Variants in SORCS1 observed in about 807,000 individuals in gnomAD.
SORCS1 encodes sortilin related VPS10 domain containing receptor 1.
A neutral mutation model predicts 146.1 loss-of-function variants in SORCS1; 60 were observed. The observed-to-expected ratio is 0.41, with a 90% CI of 0.33 to 0.51. The LOEUF (loss-of-function observed/expected upper bound fraction) is 0.51. SORCS1 is among the 20% of genes least tolerant of loss of function. The pLI is 0.21. For missense variants in SORCS1, 1,352 were observed against 1,487.6 expected, an observed-to-expected ratio of 0.91 and a Z score of 1.50; for synonymous variants, 637 against 584.0, an observed-to-expected ratio of 1.09 and a Z score of -1.31.
chr10:106,761,701 G>A, intron 4 of SORCS1, 40 bp from the exon 5 acceptor site: 3 of 1,538,908 alleles, frequency 1.9e-6, no homozygotes, highest in Non-Finnish European at 2.7e-6. Context: ...TGGTTCTATA[G>A]TACATCAAAT....
chr10:106,998,337 C>T (rs951988207), intron 1 of SORCS1, among the ~76,000 whole-genome samples: 1 of 152,230 alleles, frequency 6.6e-6, no homozygotes, highest in Non-Finnish European at 1.5e-5. Context: ...CTACTAGGGT[C>T]ATTCACGATG....
chr10:106,817,699 C>G (rs994080114), intron 3 of SORCS1, among the ~76,000 whole-genome samples: 11 of 152,172 alleles, frequency 7.2e-5, no homozygotes, highest in Non-Finnish European at 1.6e-4. Flanking sequence ...AGTACCTTTA[C>G]CAGTATAAAC....
At chr10:106,686,582 G>A (rs558324666) in intron 10 of SORCS1, among the ~76,000 whole-genome samples, 10 of 152,282 alleles carry the variant, frequency 6.6e-5, no homozygotes, top group South Asian at 6.2e-4. Flanking sequence ...TGTGCCTTGC[G>A]TAGAGTAGGT....
At chr10:106,581,352 C>G (rs1467955724) in intron 24 of SORCS1, among the ~76,000 whole-genome samples, 4 of 151,456 alleles carry the variant, frequency 2.6e-5, no homozygotes, top group Non-Finnish European at 5.9e-5. Context: ...CACACACACA[C>G]ACACACACTT....
intron 3 of SORCS1, among the ~76,000 whole-genome samples, chr10:106,795,198 T>A (rs1946497564): frequency 6.6e-6 from 1 of 152,250 alleles, no homozygotes; most frequent in Admixed American, 6.5e-5. Context: ...TCCTTTGGTT[T>A]ATTAAAGTCT....
intron 2 of SORCS1, among the ~76,000 whole-genome samples, chr10:106,888,024 T>C (rs1212126326): frequency 6.6e-6 from 1 of 152,234 alleles, no homozygotes. Flanking sequence ...TCCTTGGGCC[T>C]TAGTCTTGCC....
chr10:107,078,575 G>A (rs1565010258), intron 1 of SORCS1, among the ~76,000 whole-genome samples: 7 of 152,166 alleles, frequency 4.6e-5, no homozygotes, highest in South Asian at 4.1e-4. Flanking sequence ...CTTCCATTCA[G>A]TTGTGTTCTC....
intron 2 of SORCS1, among the ~76,000 whole-genome samples, chr10:106,900,597 G>A (rs1469021340): frequency 6.6e-6 from 1 of 152,114 alleles, no homozygotes; most frequent in African/African-American, 2.4e-5. Flanking sequence ...GTGAGATTAA[G>A]CTTCAATCAT....
intron 3 of SORCS1, among the ~76,000 whole-genome samples, chr10:106,814,098 A>G (rs1329926175): frequency 6.6e-6 from 1 of 152,230 alleles, no homozygotes; most frequent in Admixed American, 6.5e-5. Context: ...TGAGACCTGG[A>G]CTTACAACAA....
At chr10:106,631,930 G>C (rs545040071) in intron 18 of SORCS1, among the ~76,000 whole-genome samples, 1 of 152,168 alleles carries the variant, frequency 6.6e-6, no homozygotes, top group African/African-American at 2.4e-5. Flanking sequence ...TTCATGATAG[G>C]ATTCTTCATT....
In SORCS1 at chr10:106,588,777, C is replaced by T. The variant is rs533393216; in HGVS notation, c.3265+8574G>A. On this transcript the variant is annotated intron_variant, in intron 24 of 25. Transcript: ENST00000263054. ...TCCGGAGGCTGAGGCAGGAGAATGG[C>T]GTGAACCCAGGAGGCAGAGCTTGCA... is the stretch of plus-strand genomic sequence containing the variant. 7.4e-5 allele frequency among the ~76,000 whole-genome samples: 10 copies of T among 135,040 alleles called. No individual in the cohort carries two copies. The East Asian group carries it at 1.7e-3, about 23-fold the overall frequency. The allele number at this position is 135,040 out of a possible 152,430, so 88.6% of individuals were successfully genotyped here.
chr10:106,688,174 T>C lies in SORCS1; in HGVS notation c.1560+18A>G. The C allele has an allele frequency of 1.2e-6, 2 of 1,610,478 alleles. No homozygotes were observed. The highest frequency in any genetic ancestry group is 1.7e-6 in the Non-Finnish European group (2 of 1,178,652). On this transcript the variant is annotated intron_variant, in intron 10 of 25. Coordinates refer to ENST00000263054, the MANE Select transcript of SORCS1 (RefSeq NM_052918.5). ...CCCTCTACTGTGTGAGGCATTCTGC[T>C]TCAATAGGAAGACTCACCAGCAAGC...
chr10:106,790,965 A>G (rs1319122294), intron 3 of SORCS1, among the ~76,000 whole-genome samples: 2 of 152,262 alleles, frequency 1.3e-5, no homozygotes, highest in African/African-American at 4.8e-5. Context: ...TCAGAATAAA[A>G]GAACAATCAC....
intron 2 of SORCS1, among the ~76,000 whole-genome samples, chr10:106,862,830 A>G (rs191310746): frequency 2.0e-3 from 299 of 150,852 alleles, no homozygotes; most frequent in African/African-American, 6.8e-3. Context: ...CTGATTCTGC[A>G]GATGAAGTAG....
At chr10:106,883,493 C>T (rs1161321460) in intron 2 of SORCS1, among the ~76,000 whole-genome samples, 1 of 151,358 alleles carries the variant, frequency 6.6e-6, no homozygotes, top group East Asian at 1.9e-4. Context: ...CGGCTCACTG[C>T]AAGCTCCGCC....
At chr10:106,679,490 C>A in intron 11 of SORCS1, 142 bp downstream of exon 11, 1 of 947,780 alleles carries the variant, frequency 1.1e-6, no homozygotes. Context: ...GGTTTAGGTG[C>A]CTTTCAAAAT....
intron 3 of SORCS1, among the ~76,000 whole-genome samples, chr10:106,816,914 T>A (rs1329672746): frequency 6.6e-6 from 1 of 152,188 alleles, no homozygotes. Context: ...ACAATGGGCA[T>A]CTATGGTAGT....
intron 1 of SORCS1, among the ~76,000 whole-genome samples, chr10:106,996,127 G>T (rs1407026344): frequency 6.6e-6 from 1 of 151,296 alleles, no homozygotes; most frequent in Non-Finnish European, 1.5e-5. Context: ...CTAGCTACTG[G>T]AAAGGCTGAG....
intron 3 of SORCS1, among the ~76,000 whole-genome samples, chr10:106,800,964 C>T (rs928776141): frequency 6.6e-5 from 10 of 152,188 alleles, no homozygotes; most frequent in Admixed American, 6.5e-5. Context: ...ATCAATTCTA[C>T]TTTGTCGTTA....
Sources: allele counts gnomAD v4.1 joint callset (sites outside exome capture counted in the v4.1 genomes callset), GRCh38; gene constraint gnomAD v4.1.1; transcripts MANE v1.5; gene names NCBI Gene and HGNC (gene_info 2026-07-23, HGNC 2026-07-21).